Variants in RTF1 observed in about 807,000 individuals in gnomAD.
RTF1 encodes RTF1 homolog, Paf1/RNA polymerase II complex component, also known as RNA polymerase-associated protein RTF1 homolog.
In RTF1, 10 loss-of-function variants were observed where a neutral mutation model predicts 95.7. That is an observed-to-expected ratio of 0.10 (90% CI 0.06 to 0.18). The LOEUF is 0.18. Ranked by LOEUF, RTF1 falls within the 10% of genes least tolerant of loss-of-function variation. The probability of loss-of-function intolerance (pLI) is 1.00; values close to 1 mark genes in which losing one functional copy is unlikely to be tolerated. For synonymous variants in RTF1, 305 were observed against 311.8 expected, an observed-to-expected ratio of 0.98 and a Z score of 0.23; for missense variants, 458 against 875.6, an observed-to-expected ratio of 0.52 and a Z score of 6.02.
chr15:41,442,122 A>C (rs760065650), intron 2 of RTF1, among the ~76,000 whole-genome samples: 124 of 151,616 alleles, frequency 8.2e-4, no homozygotes, highest in Non-Finnish European at 1.4e-3. Flanking sequence ...AGAGATTCTT[A>C]GGTTATAAAG....
intron 7 of RTF1, among the ~76,000 whole-genome samples, chr15:41,470,651 T>TA (rs1491163310): frequency 2.1e-5 from 1 of 47,800 alleles, no homozygotes; most frequent in Non-Finnish European, 4.4e-5. Context: ...ATTCATTTTC[T>TA]TTTTTTTTTT....
chr15:41,439,844 G>A (rs1595429257), intron 2 of RTF1, among the ~76,000 whole-genome samples: 1 of 152,138 alleles, frequency 6.6e-6, no homozygotes, highest in South Asian at 2.1e-4. Context: ...TGGAGACAGG[G>A]TTTTGCCACG....
intron 3 of RTF1, among the ~76,000 whole-genome samples, chr15:41,456,836 A>G (rs2050820225): frequency 6.6e-6 from 1 of 152,044 alleles, no homozygotes. Flanking sequence ...CTGTAATCCC[A>G]GCACTTTGAG....
At chr15:41,467,943 T>G (rs776740404) in intron 6 of RTF1, among the ~76,000 whole-genome samples, 21 of 151,954 alleles carry the variant, frequency 1.4e-4, no homozygotes, top group Non-Finnish European at 7.4e-5. Context: ...AGCAGGCAGA[T>G]CACGTGAGGT....
Position 41,482,293 on chromosome 15 carries a change from C to T in RTF1, c.*1606C>T, listed in dbSNP as rs1462617225. 6.6e-6 allele frequency: 1 copy of T among 152,598 alleles called. No individual in the cohort carries two copies. The highest frequency in any genetic ancestry group is 2.4e-5 in the African/African-American group (1 of 41,452). The allele number at this position is 152,598 out of a possible 1,614,324, so 9.5% of individuals were successfully genotyped here. A position where few individuals can be genotyped will look rare whatever the true frequency, so the allele number is the denominator to read the frequency against. On this transcript the variant is annotated 3_prime_UTR_variant, in exon 18 of 18. Coordinates refer to ENST00000389629, the MANE Select transcript of RTF1 (RefSeq NM_015138.5). Reference sequence around the variant, plus strand: ...TAAATAAAAGTGGCATTTAACAAATCTTTCAGAACAAAGTACAGCTGACTA... The same window carrying T: ...TAAATAAAAGTGGCATTTAACAAATTTTTCAGAACAAAGTACAGCTGACTA...
chr15:41,438,177 A>G (rs1025080723), intron 1 of RTF1, 144 bp from the exon 2 acceptor site: 6 of 492,016 alleles, frequency 1.2e-5, no homozygotes, highest in African/African-American at 1.9e-5. Context: ...CAGTCTGTTC[A>G]TGCTGATAGA....
intron 2 of RTF1, among the ~76,000 whole-genome samples, chr15:41,445,158 A>G (rs573121121): frequency 6.6e-6 from 1 of 151,514 alleles, no homozygotes; most frequent in South Asian, 2.1e-4. Flanking sequence ...GATGGTCTTG[A>G]TCTCCTGACC....
chr15:41,449,227 A>ATTTTTTTTTTTTTTTTTTTTTTTT (rs34660598), intron 2 of RTF1, among the ~76,000 whole-genome samples: 1 of 109,314 alleles, frequency 9.1e-6, no homozygotes, highest in African/African-American at 3.8e-5. Flanking sequence ...AGGCAGGTGA[A>ATTTTTTTTTTTTTTTTTTTTTTTT]TTTTTTTTTT....
At chr15:41,459,746 T>A (rs1260609610) in intron 4 of RTF1, among the ~76,000 whole-genome samples, 1 of 152,238 alleles carries the variant, frequency 6.6e-6, no homozygotes, top group Non-Finnish European at 1.5e-5. Context: ...TGTATTTTTT[T>A]AAAAAGTCAA....
chr15:41,470,751 C>T (rs1229527116), intron 7 of RTF1, among the ~76,000 whole-genome samples: 3 of 150,366 alleles, frequency 2.0e-5, no homozygotes, highest in African/African-American at 4.9e-5. Context: ...CTCCGCCTCC[C>T]GGGTTCACGC....
chr15:41,478,380 G>A (rs528813542), intron 14 of RTF1, 168 bp from the exon 15 acceptor site: 7 of 597,942 alleles, frequency 1.2e-5, no homozygotes, highest in African/African-American at 3.9e-5. Context: ...CAGCCTAGGC[G>A]ACAGGGCGAG....
At chr15:41,419,162 G>T (rs146523819) in intron 1 of RTF1, among the ~76,000 whole-genome samples, 93 of 152,262 alleles carry the variant, frequency 6.1e-4, no homozygotes, top group African/African-American at 2.0e-3. Flanking sequence ...GTAAAAGTTT[G>T]ATTGGTAGAT....
At chr15:41,425,612 G>A (rs1005211342) in intron 1 of RTF1, among the ~76,000 whole-genome samples, 3 of 152,110 alleles carry the variant, frequency 2.0e-5, no homozygotes, top group Admixed American at 6.6e-5. Flanking sequence ...GAATGGAAGC[G>A]CCAGGAGGGT....
intron 2 of RTF1, among the ~76,000 whole-genome samples, chr15:41,444,664 G>A (rs573641335): frequency 3.9e-5 from 6 of 152,236 alleles, no homozygotes; most frequent in African/African-American, 1.4e-4. Context: ...TTCTTGTACT[G>A]TGAAAAAATG....
chr15:41,441,041 G>A (rs573022993), intron 2 of RTF1, among the ~76,000 whole-genome samples: 3 of 136,448 alleles, frequency 2.2e-5, no homozygotes, highest in Non-Finnish European at 3.1e-5. Flanking sequence ...GCGTGATCTC[G>A]GCTTACTGCA....
At chr15:41,460,942 T>A (rs1207215175) in intron 4 of RTF1, among the ~76,000 whole-genome samples, 2 of 151,124 alleles carry the variant, frequency 1.3e-5, no homozygotes, top group African/African-American at 4.9e-5. Flanking sequence ...AGTGACACGA[T>A]CTTGGCTCAC....
chr15:41,427,142 CA>C (rs2050639026), intron 1 of RTF1, among the ~76,000 whole-genome samples: 1 of 108,206 alleles, frequency 9.2e-6, no homozygotes, highest in African/African-American at 3.7e-5. Context: ...GCCTGGTCTA[CA>C]AATTTTTTTT....
intron 4 of RTF1, among the ~76,000 whole-genome samples, chr15:41,461,022 T>C (rs1377171727): frequency 6.6e-6 from 1 of 150,952 alleles, no homozygotes; most frequent in Non-Finnish European, 1.5e-5. Context: ...ATTACAGGCA[T>C]GCGCCACTAT....
At chr15:41,421,225 GGT>G (rs1463347249) in intron 1 of RTF1, among the ~76,000 whole-genome samples, 2 of 152,124 alleles carry the variant, frequency 1.3e-5, no homozygotes, top group African/African-American at 2.4e-5. Flanking sequence ...GGGAGGCCGA[GGT>G]GGGCGGATCA....
Sources: gnomAD v4.1 joint callset for allele counts (sites outside exome capture counted in the v4.1 genomes callset) on GRCh38, gnomAD v4.1.1 for gene constraint, MANE v1.5 for transcripts, NCBI Gene and HGNC (gene_info 2026-07-23, HGNC 2026-07-21) for gene names.